ADAMTS3: variants seen among roughly 807,000 people sequenced by gnomAD.
ADAMTS3 encodes the protein A disintegrin and metalloproteinase with thrombospondin motifs 3.
A neutral mutation model predicts 129.0 loss-of-function variants in ADAMTS3; 73 were observed. The ratio of observed to expected loss-of-function variants is 0.57; its 90% CI spans 0.47 to 0.69. The LOEUF is 0.69. Among genes scored for constraint, ADAMTS3 ranks in the 30% least tolerant of loss-of-function variants. The pLI, the probability that ADAMTS3 is intolerant of heterozygous loss-of-function variation, is 0.00. For synonymous variants in ADAMTS3, 477 were observed against 510.8 expected (o/e 0.93, Z 0.89); for missense variants, 1,457 against 1,514.5 (o/e 0.96, Z 0.63).
intron 19 of ADAMTS3, among the ~76,000 whole-genome samples, chr4:72,291,859 T>G (rs1405106484): frequency 6.6e-6 from 1 of 152,192 alleles, no homozygotes; most frequent in Non-Finnish European, 1.5e-5. Flanking sequence ...TAGCTTACAG[T>G]CCCACCAACG....
intron 4 of ADAMTS3, among the ~76,000 whole-genome samples, chr4:72,382,456 C>T (rs976275298): frequency 2.0e-5 from 3 of 151,932 alleles, no homozygotes; most frequent in African/African-American, 7.3e-5. Flanking sequence ...TGGTCAACCC[C>T]CATGGAAGAC....
At chr4:72,371,012 A>ACAT (rs977020552) in intron 4 of ADAMTS3, among the ~76,000 whole-genome samples, 2 of 152,216 alleles carry the variant, frequency 1.3e-5, no homozygotes, top group Non-Finnish European at 2.9e-5. Context: ...AGACATAGAC[A>ACAT]CATAGAGAGA....
chr4:72,548,812 A>T lies in ADAMTS3; in HGVS notation c.170T>A (p.Leu57His). Residue 57 changes from leucine to histidine, a missense_variant, in exon 3 of 22, where the codon CTC becomes CAC. Leu to His is a moderately conservative substitution (Grantham distance 99). Coordinates refer to ENST00000286657, the MANE Select transcript of ADAMTS3 (RefSeq NM_014243.3). ...PVSTNLEGRY[L>H]SHTLSASHKK... ...GTGACTCGCAGAAAGAGTATGGGAG[A>T]GATAGCGTCCTTCTAGATTTGTGCT... is the stretch of plus-strand genomic sequence containing the variant. 1.2e-6 allele frequency: 2 copies of T among 1,613,870 alleles called. No homozygotes were observed. Among genetic ancestry groups the T allele is most frequent in the Non-Finnish European group, 1.7e-6 (2 of 1,179,864 alleles).
intron 4 of ADAMTS3, among the ~76,000 whole-genome samples, chr4:72,346,073 G>T (rs1015822029): frequency 1.3e-5 from 2 of 152,012 alleles, no homozygotes; most frequent in African/African-American, 2.4e-5. Context: ...GCCATTCTTG[G>T]TGTACAAACT....
intron 4 of ADAMTS3, among the ~76,000 whole-genome samples, chr4:72,407,786 G>GA (rs1459414172): frequency 2.6e-5 from 4 of 152,076 alleles, no homozygotes; most frequent in African/African-American, 9.7e-5. Flanking sequence ...TCTGAAAGAT[G>GA]AAAAAACTTC....
At chr4:72,473,870 T>C (rs916705204) in intron 3 of ADAMTS3, among the ~76,000 whole-genome samples, 14 of 152,218 alleles carry the variant, frequency 9.2e-5, no homozygotes, top group African/African-American at 3.4e-4. Flanking sequence ...ACTTTCACCA[T>C]TGCCTGGTAA....
chr4:72,339,537 C>G lies in ADAMTS3; in HGVS notation c.818G>C (p.Gly273Ala), dbSNP rs1371100596. Residue 273 changes from glycine (G) to alanine (A), a missense_variant, in exon 5 of 22, where the codon GGC becomes GCC. Coordinates refer to ENST00000286657, the MANE Select transcript of ADAMTS3 (RefSeq NM_014243.3). ...GVDDSVVRFH[G>A]KEHVQNYLLT... ...GAGGTAGTTTTGGACGTGCTCTTTGCCATGGAAACGGACCACAGAGTCATC... is the reference window on the plus strand; with the variant it reads ...GAGGTAGTTTTGGACGTGCTCTTTGGCATGGAAACGGACCACAGAGTCATC... 2.5e-5 allele frequency: 40 copies of G among 1,613,776 alleles called. No homozygotes were observed. The highest frequency in any genetic ancestry group is 3.4e-5 in the Non-Finnish European group (40 of 1,179,874).
rs145709574 is a variant in ADAMTS3 at position 72,465,328 on chromosome 4, C to T, written c.505-50357G>A. On this transcript the variant is annotated intron_variant, in intron 3 of 21. Coordinates refer to ENST00000286657, the MANE Select transcript of ADAMTS3 (RefSeq NM_014243.3). The stretch of plus-strand genomic sequence containing the variant: ...GCTTAGCAAGTTCCAAGAACAAAAA[C>T]GCCAATGTGGCTTGAACATAGTCAA... Among the ~76,000 whole-genome samples, 311 of 152,062 alleles carry T rather than the reference C, an allele frequency of 2.0e-3. 3 individuals carry two copies. Among genetic ancestry groups the T allele is most frequent in the African/African-American group, 7.2e-3 (301 of 41,542 alleles).
intron 3 of ADAMTS3, among the ~76,000 whole-genome samples, chr4:72,493,785 TCA>T (rs1007308820): frequency 1.8e-4 from 27 of 152,016 alleles, no homozygotes; most frequent in African/African-American, 6.5e-4. Context: ...ACAAACTCTC[TCA>T]GTTTTTGTTT....
intron 4 of ADAMTS3, among the ~76,000 whole-genome samples, chr4:72,375,110 C>A (rs1222872866): frequency 6.6e-6 from 1 of 152,126 alleles, no homozygotes; most frequent in Non-Finnish European, 1.5e-5. Context: ...ATTACCAATT[C>A]CTCCATTCCA....
chr4:72,515,285 G>A (rs75118563), intron 3 of ADAMTS3, among the ~76,000 whole-genome samples: 34,590 of 149,304 alleles, frequency 0.23, 4,534 homozygotes, highest in East Asian at 0.43. Flanking sequence ...GAATAGTGCC[G>A]CAATAAACAT....
At chr4:72,384,854 C>T (rs1721394021) in intron 4 of ADAMTS3, among the ~76,000 whole-genome samples, 1 of 152,014 alleles carries the variant, frequency 6.6e-6, no homozygotes, top group Non-Finnish European at 1.5e-5. Flanking sequence ...GTACAGATAA[C>T]ACCTGTTATA....
chr4:72,501,543 C>G (rs13103864), intron 3 of ADAMTS3, among the ~76,000 whole-genome samples: 34,864 of 151,766 alleles, frequency 0.23, 4,418 homozygotes, highest in Non-Finnish European at 0.29. Flanking sequence ...TTTTTTAGCT[C>G]TAGAATCATA....
chr4:72,493,799 T>C (rs891042160), intron 3 of ADAMTS3, among the ~76,000 whole-genome samples: 1 of 152,110 alleles, frequency 6.6e-6, no homozygotes, highest in East Asian at 1.9e-4. Context: ...TTTTTGTTTA[T>C]CTAGGAAAGT....
At chr4:72,324,570 C>T (rs1265850359) in intron 5 of ADAMTS3, among the ~76,000 whole-genome samples, 1 of 152,120 alleles carries the variant, frequency 6.6e-6, no homozygotes, top group African/African-American at 2.4e-5. Flanking sequence ...TACATATATA[C>T]ACATGCACAT....
intron 10 of ADAMTS3, 133 bp downstream of exon 10, chr4:72,318,439 A>G (rs1560470336): frequency 1.1e-6 from 1 of 910,640 alleles, no homozygotes; most frequent in East Asian, 2.7e-5. Flanking sequence ...TGTAGCACAC[A>G]GCAACACAAT....
chr4:72,327,790 T>C (rs1719736732), intron 5 of ADAMTS3, among the ~76,000 whole-genome samples: 1 of 152,186 alleles, frequency 6.6e-6, no homozygotes, highest in Non-Finnish European at 1.5e-5. Context: ...TGTGGAAACA[T>C]ATTGAGAAAG....
At chr4:72,426,702 AT>A in intron 3 of ADAMTS3, among the ~76,000 whole-genome samples, 1 of 152,226 alleles carries the variant, frequency 6.6e-6, no homozygotes, top group Non-Finnish European at 1.5e-5. Context: ...CCTAGGCAAT[AT>A]AGTGAGGCCC....
chr4:72,301,268 A>G (rs1718943957), intron 17 of ADAMTS3, among the ~76,000 whole-genome samples: 1 of 152,180 alleles, frequency 6.6e-6, no homozygotes, highest in South Asian at 2.1e-4. Flanking sequence ...TCCACAAAAG[A>G]AAACATTAAA....
Sources: gnomAD v4.1 joint callset for allele counts (sites outside exome capture counted in the v4.1 genomes callset) on GRCh38, gnomAD v4.1.1 for gene constraint, MANE v1.5 for transcripts, NCBI Gene and HGNC (gene_info 2026-07-23, HGNC 2026-07-21) for gene names.